Variants in ACER2 observed in about 807,000 individuals in gnomAD.
ACER2 encodes alkCDase 2.
A neutral mutation model predicts 34.7 loss-of-function variants in ACER2; 26 were observed. That is an observed-to-expected ratio of 0.75 (90% CI 0.55 to 1.04). ACER2 has a LOEUF of 1.04. Ranked by LOEUF, ACER2 falls within the 50% of genes least tolerant of loss-of-function variation. The pLI is 0.00. For synonymous variants in ACER2, 138 were observed against 132.1 expected (o/e 1.04, Z -0.31); for missense variants, 352 against 340.8 (o/e 1.03, Z -0.26).
intron 5 of ACER2, among the ~76,000 whole-genome samples, chr9:19,447,969 T>A (rs1010173828): frequency 2.7e-5 from 3 of 112,158 alleles, no homozygotes; most frequent in Non-Finnish European, 6.6e-5. Context: ...TGTCTACTTT[T>A]AAAAAAAATA....
At position 19,420,240 on chromosome 9, in the gene ACER2, T is replaced by C. The variant is rs192508755; in HGVS notation, c.109-3622T>C. Among the ~76,000 whole-genome samples, 12 of 152,350 alleles carry C rather than the reference T, an allele frequency of 7.9e-5. No individual in the cohort carries two copies. The East Asian group carries it at 2.1e-3, about 27-fold the overall frequency. ...TCCAACATGAGTAACCGCTCTTTTC[T>C]TCTGAAAGCCCTGTGCCCTTGGCTT... On this transcript the variant is annotated intron_variant, in intron 1 of 5. Coordinates refer to ENST00000340967, the MANE Select transcript of ACER2 (RefSeq NM_001010887.3).
At chr9:19,434,050 C>T (rs1471499242) in intron 3 of ACER2, among the ~76,000 whole-genome samples, 5 of 147,006 alleles carry the variant, frequency 3.4e-5, no homozygotes, top group African/African-American at 1.1e-4. Flanking sequence ...CTCCTCACTT[C>T]TCAGACGGGG....
chr9:19,414,732 A>C (rs1291723666), intron 1 of ACER2, among the ~76,000 whole-genome samples: 1 of 152,080 alleles, frequency 6.6e-6, no homozygotes, highest in African/African-American at 2.4e-5. Context: ...AGCTGTGAGC[A>C]TGCTATAATC....
intron 1 of ACER2, among the ~76,000 whole-genome samples, chr9:19,419,063 T>C (rs759900405): frequency 3.3e-5 from 5 of 152,060 alleles, no homozygotes; most frequent in Non-Finnish European, 7.4e-5. Flanking sequence ...TGGTGGCTCA[T>C]GCCTGTAATC....
At chr9:19,449,348 C>T (rs544372528) in intron 5 of ACER2, among the ~76,000 whole-genome samples, 347 of 152,314 alleles carry the variant, frequency 2.3e-3, no homozygotes, top group Middle Eastern at 6.8e-3. Flanking sequence ...CTACTTCCCA[C>T]CCTGACCCTG....
intron 1 of ACER2, among the ~76,000 whole-genome samples, chr9:19,419,978 T>C (rs558352718): frequency 2.6e-5 from 4 of 152,260 alleles, no homozygotes; most frequent in Non-Finnish European, 4.4e-5. Context: ...AAAAGTGTCA[T>C]GCTTACCCGC....
intron 3 of ACER2, among the ~76,000 whole-genome samples, chr9:19,431,424 G>A (rs545720268): frequency 1.3e-5 from 2 of 152,302 alleles, no homozygotes; most frequent in East Asian, 1.9e-4. Context: ...TTCTTAAACC[G>A]CTGGGTACAG....
chr9:19,424,502 C>A (rs1455650051), intron 2 of ACER2, 198 bp from the exon 3 acceptor site: 1 of 985,196 alleles, frequency 1.0e-6, no homozygotes, highest in Non-Finnish European at 1.2e-6. Flanking sequence ...GATATTTGGG[C>A]CCTAGTTGAA....
rs1003922427 is a variant in ACER2, at chr9:19,412,519, T to C, written c.108+3327T>C. Among the ~76,000 whole-genome samples, 4 of 151,920 alleles carry C rather than the reference T, an allele frequency of 2.6e-5. 1 individual carries two copies. In the South Asian group the frequency reaches 8.3e-4, roughly 32 times the overall value. ...AATACAAAAATTTAGCTGGTTGTGG[T>C]GGTGCGTGCCTGTAAGTCCCCGCTA... On this transcript the variant is annotated intron_variant, in intron 1 of 5. Coordinates refer to ENST00000340967, the MANE Select transcript of ACER2 (RefSeq NM_001010887.3).
chr9:19,442,313 C>G (rs1563890060), intron 4 of ACER2, among the ~76,000 whole-genome samples: 2 of 152,174 alleles, frequency 1.3e-5, no homozygotes, highest in Non-Finnish European at 1.5e-5. Flanking sequence ...TCCTGCTGTA[C>G]ATGTGATTTT....
At chr9:19,422,415 A>C (rs1278982400) in intron 1 of ACER2, among the ~76,000 whole-genome samples, 1 of 152,230 alleles carries the variant, frequency 6.6e-6, no homozygotes, top group African/African-American at 2.4e-5. Flanking sequence ...AATTTTTAAA[A>C]AGTTGAATGC....
chr9:19,413,781 A>C (rs1378100650), intron 1 of ACER2, among the ~76,000 whole-genome samples: 2 of 152,140 alleles, frequency 1.3e-5, no homozygotes, highest in African/African-American at 4.8e-5. Flanking sequence ...AGCAAAATAC[A>C]TGCATAAAAT....
At chr9:19,443,521 T>C (rs1234917201) in intron 4 of ACER2, among the ~76,000 whole-genome samples, 1 of 152,142 alleles carries the variant, frequency 6.6e-6, no homozygotes, top group Non-Finnish European at 1.5e-5. Context: ...ATTACCAAAT[T>C]AGGGTCCATT....
At position 19,438,872 on chromosome 9, in the gene ACER2, A is replaced by G. The variant is rs190102917; in HGVS notation, c.503+3788A>G. On this transcript the variant is annotated intron_variant, in intron 4 of 5. Coordinates refer to ENST00000340967, the MANE Select transcript of ACER2 (RefSeq NM_001010887.3). ...ATGATCATAGCTCATTGCATCTTCG[A>G]ACTCCTGCACTTAGGTAATCTTCCC... 2.3e-3 allele frequency among the ~76,000 whole-genome samples: 347 copies of G among 152,198 alleles called. 5 individuals carry two copies. The highest frequency in any genetic ancestry group is 3.7e-3 in the South Asian group (18 of 4,832).
chr9:19,428,082 T>TTTC, intron 3 of ACER2, among the ~76,000 whole-genome samples: 1 of 129,702 alleles, frequency 7.7e-6, no homozygotes, highest in East Asian at 2.6e-4. Context: ...CCTTTCCTTC[T>TTTC]CTCTCTCTCT....
At chr9:19,442,247 A>G (rs930505622) in intron 4 of ACER2, among the ~76,000 whole-genome samples, 1 of 152,240 alleles carries the variant, frequency 6.6e-6, no homozygotes, top group Non-Finnish European at 1.5e-5. Context: ...AATATAATCA[A>G]GGGTCTAGAA....
intron 1 of ACER2, among the ~76,000 whole-genome samples, chr9:19,423,289 G>C (rs1830462921): frequency 6.6e-6 from 1 of 152,196 alleles, no homozygotes; most frequent in South Asian, 2.1e-4. Context: ...AGCTTGGGCA[G>C]CATCCATAGA....
chr9:19,440,671 G>C (rs1428135122), intron 4 of ACER2, among the ~76,000 whole-genome samples: 1 of 152,168 alleles, frequency 6.6e-6, no homozygotes, highest in Non-Finnish European at 1.5e-5. Flanking sequence ...TGTTATAACA[G>C]CCTGCATGGA....
At chr9:19,426,198 C>T (rs1041358568) in intron 3 of ACER2, among the ~76,000 whole-genome samples, 1 of 151,152 alleles carries the variant, frequency 6.6e-6, no homozygotes, top group African/African-American at 2.4e-5. Context: ...GCCGCTTTTA[C>T]CTTTCATCTG....
Sources: gnomAD v4.1 joint callset for allele counts (sites outside exome capture counted in the v4.1 genomes callset) on GRCh38, gnomAD v4.1.1 for gene constraint, MANE v1.5 for transcripts, NCBI Gene and HGNC (gene_info 2026-07-23, HGNC 2026-07-21) for gene names.